Variants in TMEM232 observed in about 807,000 individuals in gnomAD.
The protein encoded by TMEM232 is transmembrane protein 232.
Under a neutral mutation model 78.8 loss-of-function variants are expected in TMEM232, and 80 were observed. That is an observed-to-expected ratio of 1.01 (90% CI 0.85 to 1.22). The LOEUF is 1.22. Among genes scored for constraint, TMEM232 ranks in the 50% most tolerant of loss-of-function variants. The pLI, the probability that TMEM232 is intolerant of heterozygous loss-of-function variation, is 0.00. For missense variants in TMEM232, 881 were observed against 742.2 expected, an observed-to-expected ratio of 1.19 and a Z score of -2.17; for synonymous variants, 297 against 254.3, an observed-to-expected ratio of 1.17 and a Z score of -1.60.
intron 11 of TMEM232, among the ~76,000 whole-genome samples, chr5:110,546,629 A>T (rs1221224639): frequency 2.6e-5 from 4 of 152,096 alleles, no homozygotes; most frequent in African/African-American, 9.6e-5. Flanking sequence ...CAATAACTTA[A>T]ATAAGAGTAG....
intron 10 of TMEM232, among the ~76,000 whole-genome samples, chr5:110,586,850 C>G (rs1464698088): frequency 6.6e-6 from 1 of 152,064 alleles, no homozygotes; most frequent in Non-Finnish European, 1.5e-5. Flanking sequence ...TTTATTACTA[C>G]TATAGTTAAA....
rs189250095 is a variant in TMEM232 at position 110,523,835 on chromosome 5, C to T, written c.1703+4753G>A. 2.4e-3 allele frequency among the ~76,000 whole-genome samples: 360 copies of T among 151,684 alleles called. 1 individual carries two copies. Among genetic ancestry groups the T allele is most frequent in the Middle Eastern group, 0.01 (3 of 294 alleles). On this transcript the variant is annotated intron_variant, in intron 12 of 13. Transcript: ENST00000455884. ...ACCTAGCTGAGTGTAGTGTCATGCA[C>T]CTGTGGTCCCAGCTACTCAGGAGGT...
At chr5:110,538,717 G>T (rs1316755039) in intron 11 of TMEM232, among the ~76,000 whole-genome samples, 1 of 152,058 alleles carries the variant, frequency 6.6e-6, no homozygotes, top group Non-Finnish European at 1.5e-5. Flanking sequence ...AGACCGAAGG[G>T]GCCTGGGGTC....
chr5:110,401,209 G>A (rs1212144404), intron 2 of TMEM232, among the ~76,000 whole-genome samples: 4 of 149,692 alleles, frequency 2.7e-5, no homozygotes, highest in East Asian at 2.0e-4. Flanking sequence ...GGCAAAGAGC[G>A]GTTCATTTTT....
At chr5:110,617,641 G>A (rs1415172597) in intron 8 of TMEM232, among the ~76,000 whole-genome samples, 2 of 152,020 alleles carry the variant, frequency 1.3e-5, no homozygotes, top group Admixed American at 6.6e-5. Context: ...TGTACAGGAG[G>A]AAACTAATAT....
intron 5 of TMEM232, among the ~76,000 whole-genome samples, chr5:110,632,998 TA>T: frequency 6.6e-6 from 1 of 152,174 alleles, no homozygotes; most frequent in South Asian, 2.1e-4. Context: ...AAAAATCATC[TA>T]GTCAGCCTTG....
At chr5:110,688,966 C>T (rs1375561141) in intron 1 of TMEM232, among the ~76,000 whole-genome samples, 2 of 152,140 alleles carry the variant, frequency 1.3e-5, no homozygotes, top group Non-Finnish European at 2.9e-5. Flanking sequence ...TTCCCCTACC[C>T]CATTTGTCGG....
intron 12 of TMEM232, among the ~76,000 whole-genome samples, chr5:110,448,997 G>A (rs765042557): frequency 3.3e-5 from 5 of 151,892 alleles, no homozygotes; most frequent in Non-Finnish European, 5.9e-5. Flanking sequence ...AAAAACTAAA[G>A]TAAAATTAAA....
At chr5:110,688,982 T>C (rs1793759473) in intron 1 of TMEM232, among the ~76,000 whole-genome samples, 1 of 152,214 alleles carries the variant, frequency 6.6e-6, no homozygotes, top group Non-Finnish European at 1.5e-5. Context: ...GTCGGTGTTA[T>C]GTAAAATGAA....
At chr5:110,407,541 T>C (rs1188981645) in intron 2 of TMEM232, among the ~76,000 whole-genome samples, 2 of 152,254 alleles carry the variant, frequency 1.3e-5, no homozygotes, top group South Asian at 4.1e-4. Flanking sequence ...CCAACATTAA[T>C]AGACCTAAAC....
At position 110,642,069 on chromosome 5, in the gene TMEM232, A is replaced by G. The variant is rs542537258; in HGVS notation, c.237+191T>C. Among the ~76,000 whole-genome samples, 468 of 152,212 alleles carry G rather than the reference A, an allele frequency of 3.1e-3. 3 individuals carry two copies. The highest frequency in any genetic ancestry group is 0.011 in the African/African-American group (445 of 41,546). On this transcript the variant is annotated intron_variant, in intron 3 of 13. Transcript: ENST00000455884. The stretch of plus-strand genomic sequence containing the variant: ...GCTGCTGGACTGGTATATTTCCACA[A>G]AAATTTACAGGGAGCTTTTATTATT...
chr5:110,504,983 C>A (rs1766702340), intron 12 of TMEM232, among the ~76,000 whole-genome samples: 1 of 152,212 alleles, frequency 6.6e-6, no homozygotes, highest in Admixed American at 6.5e-5. Context: ...AAAAAATTAA[C>A]AATGAAGTTA....
chr5:110,475,632 T>C (rs2149384460), intron 12 of TMEM232, among the ~76,000 whole-genome samples: 1 of 151,756 alleles, frequency 6.6e-6, no homozygotes, highest in South Asian at 2.1e-4. Flanking sequence ...ATTCCTGAAG[T>C]GAAGAGATAG....
At chr5:110,727,153 G>A (rs1012062556), upstream of TMEM232, among the ~76,000 whole-genome samples, 1 of 152,118 alleles carries the variant, frequency 6.6e-6, no homozygotes, top group Non-Finnish European at 1.5e-5. Context: ...AAACACAAAA[G>A]AACGCCTCTT....
intron 10 of TMEM232, among the ~76,000 whole-genome samples, chr5:110,600,777 T>C (rs968042104): frequency 2.0e-5 from 3 of 151,760 alleles, no homozygotes; most frequent in African/African-American, 7.3e-5. Context: ...TTCCAAACAA[T>C]AGAAAAATGG....
rs369252168 is a variant in TMEM232 at position 110,587,510 on chromosome 5, T to C, written c.1276+17599A>G. 1.2e-4 allele frequency among the ~76,000 whole-genome samples: 18 copies of C among 151,906 alleles called. No individual in the cohort carries two copies. The East Asian group carries it at 2.1e-3, about 18-fold the overall frequency. ...GTGCACAAACCTGACATTTTCTCTGTTAAAGGAAAGTCATTACTACATTTA... is the reference window on the plus strand; with the variant it reads ...GTGCACAAACCTGACATTTTCTCTGCTAAAGGAAAGTCATTACTACATTTA... On this transcript the variant is annotated intron_variant, in intron 10 of 13. Coordinates refer to ENST00000455884, the MANE Select transcript of TMEM232 (RefSeq NM_001039763.4).
intron 12 of TMEM232, among the ~76,000 whole-genome samples, chr5:110,525,598 T>A (rs1173172277): frequency 6.6e-6 from 1 of 151,882 alleles, no homozygotes; most frequent in Non-Finnish European, 1.5e-5. Context: ...TATCTCAACA[T>A]TATGGAGTGT....
At chr5:110,538,173 A>C (rs1298383427) in intron 11 of TMEM232, among the ~76,000 whole-genome samples, 1 of 152,188 alleles carries the variant, frequency 6.6e-6, no homozygotes, top group Non-Finnish European at 1.5e-5. Context: ...CCAGCCATGG[A>C]CTTATGGCAG....
Position 110,688,193 on chromosome 5 carries a change from G to A in TMEM232, c.-12-20829C>T, listed in dbSNP as rs376974824. Among the ~76,000 whole-genome samples the A allele has an allele frequency of 5.9e-5, 9 of 152,126 alleles. No individual in the cohort carries two copies. The East Asian group carries it at 1.5e-3, about 26-fold the overall frequency. On this transcript the variant is annotated intron_variant, in intron 1 of 13. Coordinates refer to ENST00000455884, the MANE Select transcript of TMEM232 (RefSeq NM_001039763.4). ...AAATGAGTTCTGGCAGAAGATAAATGTAGAATTTCATTTCTATATGGATAA... is the reference window on the plus strand; with the variant it reads ...AAATGAGTTCTGGCAGAAGATAAATATAGAATTTCATTTCTATATGGATAA...
Sources: allele counts gnomAD v4.1 joint callset (sites outside exome capture counted in the v4.1 genomes callset), GRCh38; gene constraint gnomAD v4.1.1; transcripts MANE v1.5; gene names NCBI Gene and HGNC (gene_info 2026-07-23, HGNC 2026-07-21).